The following CHP1 variants were observed in gnomAD, a reference collection of about 807,000 sequenced individuals.
CHP1 encodes the protein calcineurin like EF-hand protein 1, also known as calcineurin B homologous protein 1.
Under a neutral mutation model 27.4 loss-of-function variants are expected in CHP1, and 11 were observed. The observed-to-expected ratio is 0.40, with a 90% confidence interval of 0.25 to 0.67. CHP1 has a LOEUF of 0.67. Among genes scored for constraint, CHP1 ranks in the 30% least tolerant of loss-of-function variants. The pLI is 0.38. For missense variants in CHP1, 169 were observed against 251.3 expected (o/e 0.67, Z 2.22); for synonymous variants, 89 against 87.4 (o/e 1.02, Z -0.10).
intron 1 of CHP1, among the ~76,000 whole-genome samples, chr15:41,242,036 T>G (rs1334332494): frequency 2.6e-5 from 4 of 152,188 alleles, no homozygotes; most frequent in South Asian, 2.1e-4. Flanking sequence ...GTTTTTAGTA[T>G]TATTATGTAC....
In CHP1 at chr15:41,281,049, G is replaced by A. The variant is rs1284592783; in HGVS notation, c.*1660G>A. 6.6e-6 allele frequency: 1 copy of A among 151,380 alleles called. No homozygotes were observed. Among genetic ancestry groups the A allele is most frequent in the Admixed American group, 6.6e-5 (1 of 15,138 alleles). 9.4% of individuals were successfully genotyped at this position (151,380 alleles called of 1,614,324 possible). ...AATTTTTGCATTTTTAGTGGAGAGG[G>A]AGTTTCACCATGTTGGCCAGGTTGG... On this transcript the variant is annotated 3_prime_UTR_variant, in exon 7 of 7. Coordinates refer to ENST00000334660, the MANE Select transcript of CHP1 (RefSeq NM_007236.5).
At chr15:41,274,014 G>T (rs1182573754) in intron 5 of CHP1, among the ~76,000 whole-genome samples, 1 of 151,708 alleles carries the variant, frequency 6.6e-6, no homozygotes, top group Non-Finnish European at 1.5e-5. Flanking sequence ...GGGCTGGAGT[G>T]CAATGGCGCG....
rs912891285 is a variant in CHP1, at chr15:41,280,340, A to C, written c.*951A>C. The C allele has an allele frequency of 1.3e-5, 2 of 152,500 alleles. No homozygotes were observed. The highest frequency in any genetic ancestry group is 2.9e-5 in the Non-Finnish European group (2 of 68,068). The allele number at this position is 152,500 out of a possible 1,614,324, so 9.4% of individuals were successfully genotyped here. A position where few individuals can be genotyped will look rare whatever the true frequency, so the allele number is the denominator to read the frequency against. Reference sequence around the variant, plus strand: ...TGACAATATGCCTAGGGACTTTCTCATGGCTTTTATTTAATAAGGAGGCTG... The same window carrying C: ...TGACAATATGCCTAGGGACTTTCTCCTGGCTTTTATTTAATAAGGAGGCTG... On this transcript the variant is annotated 3_prime_UTR_variant, in exon 7 of 7. Transcript: ENST00000334660.
intron 3 of CHP1, among the ~76,000 whole-genome samples, chr15:41,261,241 G>T (rs1347840679): frequency 6.6e-6 from 1 of 151,236 alleles, no homozygotes; most frequent in African/African-American, 2.4e-5. Context: ...TGCAGCCTCT[G>T]CCTCCCAGTT....
intron 5 of CHP1, among the ~76,000 whole-genome samples, chr15:41,277,084 G>A (rs1320616429): frequency 6.6e-6 from 1 of 152,200 alleles, no homozygotes; most frequent in Non-Finnish European, 1.5e-5. Context: ...TTGCCTAGAT[G>A]AGAAGATAAA....
At chr15:41,248,651 G>T (rs2047348393) in intron 2 of CHP1, among the ~76,000 whole-genome samples, 2 of 152,094 alleles carry the variant, frequency 1.3e-5, no homozygotes, top group Admixed American at 1.3e-4. Flanking sequence ...GGAGACTCAT[G>T]CCTGTAATCC....
intron 2 of CHP1, among the ~76,000 whole-genome samples, chr15:41,245,960 T>A (rs2047332480): frequency 6.6e-6 from 1 of 152,184 alleles, no homozygotes; most frequent in Non-Finnish European, 1.5e-5. Flanking sequence ...GTCTTTTGAT[T>A]TATTTTGAGT....
chr15:41,273,054 C>G (rs1180412055), intron 5 of CHP1, among the ~76,000 whole-genome samples: 1 of 150,988 alleles, frequency 6.6e-6, no homozygotes, highest in African/African-American at 2.4e-5. Flanking sequence ...GAGACTCCGT[C>G]TCAAAAAAAA....
chr15:41,236,805 A>G (rs1398101788), intron 1 of CHP1, among the ~76,000 whole-genome samples: 1 of 151,498 alleles, frequency 6.6e-6, no homozygotes, highest in Non-Finnish European at 1.5e-5. Context: ...CACACCTAAG[A>G]AAGTTGATAA....
chr15:41,259,756 G>GT (rs2047422748), intron 3 of CHP1, among the ~76,000 whole-genome samples: 1 of 152,100 alleles, frequency 6.6e-6, no homozygotes, highest in Non-Finnish European at 1.5e-5. Flanking sequence ...CTTTTGTTTT[G>GT]TTTTTTGTTT....
chr15:41,249,664 G>T (rs1382505426), intron 2 of CHP1, among the ~76,000 whole-genome samples: 2 of 151,538 alleles, frequency 1.3e-5, no homozygotes, highest in African/African-American at 4.8e-5. Context: ...AGTAGAGACG[G>T]GGTTTCACTG....
intron 1 of CHP1, among the ~76,000 whole-genome samples, chr15:41,240,670 G>A (rs1051129980): frequency 4.0e-5 from 6 of 150,910 alleles, no homozygotes; most frequent in South Asian, 2.1e-4. Flanking sequence ...GGAGAATCAC[G>A]GGAACCCAGA....
At chr15:41,239,196 A>G (rs2047293654) in intron 1 of CHP1, among the ~76,000 whole-genome samples, 1 of 152,138 alleles carries the variant, frequency 6.6e-6, no homozygotes, top group South Asian at 2.1e-4. Flanking sequence ...TTATGGTTCT[A>G]AAATTTGTTC....
At chr15:41,249,993 T>A (rs974452681) in intron 2 of CHP1, among the ~76,000 whole-genome samples, 1 of 151,802 alleles carries the variant, frequency 6.6e-6, no homozygotes, top group Non-Finnish European at 1.5e-5. Flanking sequence ...TGGAAGGCTT[T>A]GGTTAGAATG....
At chr15:41,277,445 G>C in intron 5 of CHP1, among the ~76,000 whole-genome samples, 1 of 152,098 alleles carries the variant, frequency 6.6e-6, no homozygotes, top group East Asian at 1.9e-4. Context: ...GGAGTTGAAG[G>C]CCTGCCTGGG....
intron 5 of CHP1, among the ~76,000 whole-genome samples, chr15:41,271,218 G>A (rs1373780092): frequency 7.1e-6 from 1 of 140,966 alleles, no homozygotes; most frequent in Non-Finnish European, 1.5e-5. Flanking sequence ...TCACTCCACT[G>A]CACTCCAGCC....
At chr15:41,231,912 A>G (rs2047247273) in intron 1 of CHP1, among the ~76,000 whole-genome samples, 1 of 152,192 alleles carries the variant, frequency 6.6e-6, no homozygotes, top group South Asian at 2.1e-4. Flanking sequence ...AGTTCTTGTC[A>G]CAAATTGGGA....
chr15:41,252,330 G>A (rs767820825), intron 2 of CHP1, among the ~76,000 whole-genome samples: 2 of 151,832 alleles, frequency 1.3e-5, no homozygotes, highest in African/African-American at 2.4e-5. Flanking sequence ...CACCACGCCC[G>A]TCTGATTTTT....
chr15:41,231,777 A>C (rs2047245446), intron 1 of CHP1, among the ~76,000 whole-genome samples: 1 of 152,098 alleles, frequency 6.6e-6, no homozygotes, highest in Admixed American at 6.6e-5. Flanking sequence ...CTTCCCTATG[A>C]AGAGGCATCC....
Sources: allele counts gnomAD v4.1 joint callset (sites outside exome capture counted in the v4.1 genomes callset), GRCh38; gene constraint gnomAD v4.1.1; transcripts MANE v1.5; gene names NCBI Gene and HGNC (gene_info 2026-07-23, HGNC 2026-07-21).